SH3GL3: variants seen among roughly 807,000 people sequenced by gnomAD.
SH3GL3 encodes endophilin-A3.
Under a neutral mutation model 47.7 loss-of-function variants are expected in SH3GL3, and 33 were observed. The ratio of observed to expected loss-of-function variants is 0.69; its 90% confidence interval spans 0.52 to 0.92. The LOEUF is 0.92. SH3GL3 is among the 40% of genes least tolerant of loss of function. The pLI is 0.00. For missense variants in SH3GL3, 363 were observed against 417.8 expected (o/e 0.87, Z 1.14); for synonymous variants, 155 against 148.8 (o/e 1.04, Z -0.30).
At chr15:83,597,424 T>C in intron 8 of SH3GL3, among the ~76,000 whole-genome samples, 1 of 152,160 alleles carries the variant, frequency 6.6e-6, no homozygotes, top group South Asian at 2.1e-4. Flanking sequence ...TAAGGTAACA[T>C]AGCTATAGGT....
downstream of SH3GL3, among the ~76,000 whole-genome samples, chr15:83,621,752 C>T (rs2060916309): frequency 6.6e-6 from 1 of 152,164 alleles, no homozygotes; most frequent in Admixed American, 6.5e-5. Context: ...AGACGTAACC[C>T]TGTTGTGGCA....
At chr15:83,567,569 A>G (rs1003000068) in intron 3 of SH3GL3, among the ~76,000 whole-genome samples, 1 of 152,088 alleles carries the variant, frequency 6.6e-6, no homozygotes, top group Non-Finnish European at 1.5e-5. Flanking sequence ...GCACCTTGGG[A>G]CCAGCCACAC....
chr15:83,481,412 T>C (rs918418410), intron 1 of SH3GL3, among the ~76,000 whole-genome samples: 1 of 152,124 alleles, frequency 6.6e-6, no homozygotes, highest in Non-Finnish European at 1.5e-5. Flanking sequence ...AGGTGGGCAA[T>C]GGATTTCTAG....
At chr15:83,458,444 C>A (rs1011628544) in intron 1 of SH3GL3, among the ~76,000 whole-genome samples, 1 of 152,176 alleles carries the variant, frequency 6.6e-6, no homozygotes, top group African/African-American at 2.4e-5. Flanking sequence ...TTTTCCCCGT[C>A]CCTGGCTACA....
intron 1 of SH3GL3, among the ~76,000 whole-genome samples, chr15:83,513,123 C>T (rs1238918601): frequency 6.6e-6 from 1 of 152,202 alleles, no homozygotes; most frequent in Non-Finnish European, 1.5e-5. Context: ...TTTGCAATGA[C>T]TTTCCCGCCC....
downstream of SH3GL3, among the ~76,000 whole-genome samples, chr15:83,622,788 C>T (rs1307843970): frequency 1.3e-5 from 2 of 152,258 alleles, no homozygotes; most frequent in Non-Finnish European, 2.9e-5. Context: ...TAGCCACTGT[C>T]TTCCCTTCAC....
intron 1 of SH3GL3, among the ~76,000 whole-genome samples, chr15:83,484,962 A>G (rs1380711712): frequency 6.6e-6 from 1 of 152,202 alleles, no homozygotes; most frequent in Non-Finnish European, 1.5e-5. Context: ...TAAAATGTAG[A>G]TATTGATGCA....
At chr15:83,517,211 T>C (rs200139936) in intron 1 of SH3GL3, among the ~76,000 whole-genome samples, 10,913 of 146,480 alleles carry the variant, frequency 0.075, 659 homozygotes, top group East Asian at 0.3. Context: ...TTTTCTTTTT[T>C]TTTTTTTTTT....
At chr15:83,574,597 G>A (rs150598876) in intron 5 of SH3GL3, among the ~76,000 whole-genome samples, 4 of 152,252 alleles carry the variant, frequency 2.6e-5, no homozygotes, top group Non-Finnish European at 5.9e-5. Context: ...CCAGCCCACA[G>A]CCAGGGCACC....
chr15:83,587,319 CTTTTCATTAAATCCCTTTTTT>C (rs1478600377), intron 7 of SH3GL3, among the ~76,000 whole-genome samples: 1 of 151,998 alleles, frequency 6.6e-6, no homozygotes, highest in African/African-American at 2.4e-5. Context: ...TCTCCTTTTT[CTTTTCATTAAATCCCTTTTTT>C]TTGTGACCCG....
At chr15:83,514,864 G>A (rs192089850) in intron 1 of SH3GL3, among the ~76,000 whole-genome samples, 126 of 152,148 alleles carry the variant, frequency 8.3e-4, no homozygotes, top group African/African-American at 2.9e-3. Context: ...TCCCCTCACC[G>A]CCAAGATGTC....
At chr15:83,529,476 G>C (rs2043568654) in intron 1 of SH3GL3, among the ~76,000 whole-genome samples, 1 of 152,026 alleles carries the variant, frequency 6.6e-6, no homozygotes, top group Non-Finnish European at 1.5e-5. Flanking sequence ...CCCTCCTCAG[G>C]TCCCCAGGAG....
In SH3GL3 at chr15:83,541,312, A is replaced by ATTTTTTTTTT. The variant is rs71156085; in HGVS notation, c.46-17911_46-17902dup. Among the ~76,000 whole-genome samples the ATTTTTTTTTT allele has an allele frequency of 2.4e-3, 116 of 47,362 alleles. 35 individuals carry two copies. The highest frequency in any genetic ancestry group is 0.013 in the East Asian group (14 of 1,088). 31.1% of individuals were successfully genotyped at this position (47,362 alleles called of 152,430 possible). On this transcript the variant is annotated intron_variant, in intron 1 of 8. Coordinates refer to ENST00000427482, the MANE Select transcript of SH3GL3 (RefSeq NM_003027.5). ...GATGGCTGGATCATATGGTAATTCT[A>ATTTTTTTTTT]TTTTTTTTTTTTTTTTTTTTTTTTT...
chr15:83,484,224 T>C (rs1026972946), intron 1 of SH3GL3, among the ~76,000 whole-genome samples: 2 of 152,244 alleles, frequency 1.3e-5, no homozygotes, highest in Admixed American at 6.5e-5. Flanking sequence ...TGTAATACTA[T>C]GGTGTTACTT....
chr15:83,506,902 A>T (rs1028826612), intron 1 of SH3GL3, among the ~76,000 whole-genome samples: 3 of 151,792 alleles, frequency 2.0e-5, no homozygotes, highest in African/African-American at 4.8e-5. Context: ...GCTCTGCCCC[A>T]TCTGTTTACC....
At chr15:83,577,921 C>T (rs535822574) in intron 6 of SH3GL3, among the ~76,000 whole-genome samples, 54 of 152,312 alleles carry the variant, frequency 3.5e-4, no homozygotes, top group African/African-American at 1.3e-3. Flanking sequence ...ATCTGGGGGG[C>T]GGACAGCCGC....
chr15:83,592,098 T>A (rs2060122807), intron 8 of SH3GL3, among the ~76,000 whole-genome samples: 1 of 152,256 alleles, frequency 6.6e-6, no homozygotes, highest in African/African-American at 2.4e-5. Flanking sequence ...CTCTTTTACA[T>A]ATTTATTTGG....
At chr15:83,500,598 C>T (rs993407788) in intron 1 of SH3GL3, among the ~76,000 whole-genome samples, 1 of 152,210 alleles carries the variant, frequency 6.6e-6, no homozygotes, top group Non-Finnish European at 1.5e-5. Flanking sequence ...GGGTGAAACC[C>T]GGAAGTGTTG....
chr15:83,466,212 G>A (rs1299315448), intron 1 of SH3GL3, among the ~76,000 whole-genome samples: 1 of 152,096 alleles, frequency 6.6e-6, no homozygotes, highest in Non-Finnish European at 1.5e-5. Context: ...TCAATAGTTT[G>A]TTCCTTTTTA....
Sources: gnomAD v4.1 joint callset for allele counts (sites outside exome capture counted in the v4.1 genomes callset) on GRCh38, gnomAD v4.1.1 for gene constraint, MANE v1.5 for transcripts, NCBI Gene and HGNC (gene_info 2026-07-23, HGNC 2026-07-21) for gene names.